Variants in DZANK1 observed in about 807,000 individuals in gnomAD.
DZANK1 encodes double zinc ribbon and ankyrin repeat-containing protein 1.
Under a neutral mutation model 94.5 loss-of-function variants are expected in DZANK1, and 91 were observed. That is an observed-to-expected ratio of 0.96 (90% CI 0.81 to 1.15). DZANK1 has a LOEUF of 1.15. DZANK1 is among the 50% of genes most tolerant of loss of function. The pLI is 0.00. For missense variants in DZANK1, 903 were observed against 916.4 expected, an observed-to-expected ratio of 0.99 and a Z score of 0.19; for synonymous variants, 312 against 325.3, an observed-to-expected ratio of 0.96 and a Z score of 0.44.
exon 21 of DZANK1, chr20:18,384,319 A>G: frequency 2.1e-6 from 3 of 1,428,482 alleles, no homozygotes; most frequent in East Asian, 5.0e-5. Flanking sequence ...TCAGCCTCCC[A>G]AAGTGCTGGG....
chr20:18,451,511 T>C (rs960415480), intron 6 of DZANK1, among the ~76,000 whole-genome samples: 13 of 152,306 alleles, frequency 8.5e-5, no homozygotes, highest in African/African-American at 3.1e-4. Flanking sequence ...CCTTGACTAG[T>C]GATCTCGTTC....
intron 5 of DZANK1, 132 bp from the exon 6 acceptor site, chr20:18,452,871 T>C (rs969203396): frequency 5.4e-6 from 5 of 922,920 alleles, no homozygotes; most frequent in Admixed American, 6.4e-5. Context: ...AAGTAACAAT[T>C]ATATAAAGAG....
At chr20:18,427,109 T>A in exon 10 of DZANK1, 2 of 1,613,166 alleles carry the variant, frequency 1.2e-6, no homozygotes, top group Non-Finnish European at 1.7e-6. Flanking sequence ...TGACACAGTA[T>A]CTCAGGTGAG....
At chr20:18,437,984 C>T (rs577811393) in intron 8 of DZANK1, among the ~76,000 whole-genome samples, 7 of 151,832 alleles carry the variant, frequency 4.6e-5, no homozygotes, top group East Asian at 3.9e-4. Context: ...TTTGGGAGGC[C>T]GAGGCGGGCG....
chr20:18,436,855 T>C (rs1180546493), intron 8 of DZANK1, among the ~76,000 whole-genome samples: 2 of 151,752 alleles, frequency 1.3e-5, no homozygotes, highest in Non-Finnish European at 2.9e-5. Context: ...TCAAAAACAA[T>C]GGAGGGCAAA....
At chr20:18,419,238 G>A (rs986662044) in intron 10 of DZANK1, among the ~76,000 whole-genome samples, 2 of 146,676 alleles carry the variant, frequency 1.4e-5, no homozygotes, top group East Asian at 4.0e-4. Context: ...CTCCAGCCTG[G>A]ATGACAGAGC....
intron 18 of DZANK1, among the ~76,000 whole-genome samples, chr20:18,390,166 C>A (rs1361472873): frequency 6.6e-6 from 1 of 152,224 alleles, no homozygotes; most frequent in African/African-American, 2.4e-5. Flanking sequence ...TTGGTCTCAT[C>A]TGTGCTTCTC....
At chr20:18,452,811 A>G (rs2148758687) in intron 5 of DZANK1, 72 bp from the exon 6 acceptor site, 1 of 1,431,304 alleles carries the variant, frequency 7.0e-7, no homozygotes, top group Non-Finnish European at 9.3e-7. Context: ...ATATCTTCAC[A>G]GCGGGAGACC....
At chr20:18,432,692 C>T (rs1248729726) in intron 9 of DZANK1, 1 of 152,198 alleles carries the variant, frequency 6.6e-6, no homozygotes, top group East Asian at 1.9e-4. Context: ...TAATGCCATG[C>T]ATTTCCCTTA....
chr20:18,383,454 T>C (rs1412951701), exon 21 of DZANK1: 1 of 152,064 alleles, frequency 6.6e-6, no homozygotes, highest in Non-Finnish European at 1.5e-5. Flanking sequence ...GATTTCAACA[T>C]AAAAAAATTT....
chr20:18,389,030 T>C (rs758817121), intron 19 of DZANK1, among the ~76,000 whole-genome samples: 1 of 152,188 alleles, frequency 6.6e-6, no homozygotes, highest in Non-Finnish European at 1.5e-5. Flanking sequence ...GTCGGCAAGA[T>C]ATGAGAAGTT....
intron 3 of DZANK1, among the ~76,000 whole-genome samples, chr20:18,457,157 C>A (rs1203150753): frequency 6.6e-6 from 1 of 152,102 alleles, no homozygotes; most frequent in African/African-American, 2.4e-5. Flanking sequence ...TAGGCTTGGT[C>A]GTTGTAACAC....
chr20:18,410,169 A>G (rs1023583675), intron 13 of DZANK1, among the ~76,000 whole-genome samples: 2 of 152,170 alleles, frequency 1.3e-5, no homozygotes, highest in African/African-American at 4.8e-5. Context: ...CATAAATAAT[A>G]GTTCTTTTTT....
At chr20:18,408,202 G>A (rs753688825) in intron 13 of DZANK1, among the ~76,000 whole-genome samples, 15 of 152,158 alleles carry the variant, frequency 9.9e-5, no homozygotes, top group Non-Finnish European at 2.2e-4. Flanking sequence ...CGCTATCCCA[G>A]CTACTTGGGA....
At chr20:18,464,353 G>GC (rs1311988589) in intron 2 of DZANK1, among the ~76,000 whole-genome samples, 1 of 152,108 alleles carries the variant, frequency 6.6e-6, no homozygotes, top group East Asian at 1.9e-4. Flanking sequence ...ACCAGGCCTG[G>GC]CCCTCACTGC....
chr20:18,443,347 C>T, exon 8 of DZANK1: 1 of 1,535,356 alleles, frequency 6.5e-7, no homozygotes, highest in Non-Finnish European at 8.8e-7. Flanking sequence ...TGCTGCTCAC[C>T]TGAGCTCCTT....
At chr20:18,386,886 C>CAAACAAAG (rs200019984) in intron 19 of DZANK1, among the ~76,000 whole-genome samples, 2 of 152,158 alleles carry the variant, frequency 1.3e-5, no homozygotes, top group African/African-American at 4.8e-5. Context: ...TCAGAAAAAA[C>CAAACAAAG]AGGTCACAAA....
At chr20:18,409,694 AAAC>A (rs1486350704) in intron 13 of DZANK1, among the ~76,000 whole-genome samples, 6 of 152,164 alleles carry the variant, frequency 3.9e-5, no homozygotes, top group African/African-American at 1.4e-4. Context: ...AGAGTATGTA[AAAC>A]AATATGAATA....
At chr20:18,430,499 A>G (rs1030301125) in intron 9 of DZANK1, among the ~76,000 whole-genome samples, 1 of 152,186 alleles carries the variant, frequency 6.6e-6, no homozygotes, top group African/African-American at 2.4e-5. Context: ...GGGATGCTAA[A>G]ATTAGTTTTC....
Sources: gnomAD v4.1 joint callset for allele counts (sites outside exome capture counted in the v4.1 genomes callset) on GRCh38, gnomAD v4.1.1 for gene constraint, MANE v1.5 for transcripts, NCBI Gene and HGNC (gene_info 2026-07-23, HGNC 2026-07-21) for gene names.